The following LRRC7 variants were observed in gnomAD, a reference collection of about 807,000 sequenced individuals.
LRRC7 encodes leucine rich repeat containing 7, also known as leucine-rich repeat-containing protein 7.
In LRRC7, 23 loss-of-function variants were observed where a neutral mutation model predicts 175.7. That is an observed-to-expected ratio of 0.13 (90% confidence interval 0.09 to 0.19). The LOEUF is 0.19. Among genes scored for constraint, LRRC7 ranks in the 10% least tolerant of loss-of-function variants. The pLI, the probability that LRRC7 is intolerant of heterozygous loss-of-function variation, is 1.00. For missense variants in LRRC7, 1,354 were observed against 1,904.7 expected (o/e 0.71, Z 5.38); for synonymous variants, 685 against 680.9 (o/e 1.01, Z -0.09).
chr1:69,619,134 T>C (rs958836822), intron 1 of LRRC7, among the ~76,000 whole-genome samples: 2 of 152,108 alleles, frequency 1.3e-5, no homozygotes, highest in African/African-American at 2.4e-5. Flanking sequence ...TCAAAATGTA[T>C]GTCCCTTTCA....
At chr1:69,877,277 T>C (rs1686125857) in intron 7 of LRRC7, among the ~76,000 whole-genome samples, 1 of 152,084 alleles carries the variant, frequency 6.6e-6, no homozygotes, top group African/African-American at 2.4e-5. Context: ...AACTCCTTGC[T>C]AAGCAAGCAA....
chr1:70,008,109 C>G (rs1230844216), intron 11 of LRRC7, among the ~76,000 whole-genome samples: 1 of 152,154 alleles, frequency 6.6e-6, no homozygotes, highest in African/African-American at 2.4e-5. Flanking sequence ...AGCAAGGAAG[C>G]CACTCCTAGT....
At chr1:69,939,175 T>G (rs1334642475) in intron 8 of LRRC7, among the ~76,000 whole-genome samples, 1 of 151,656 alleles carries the variant, frequency 6.6e-6, no homozygotes, top group African/African-American at 2.4e-5. Flanking sequence ...AGGTGAAAAC[T>G]ATACTGATTA....
At chr1:70,118,018 A>T (rs1160545004) in intron 26 of LRRC7, among the ~76,000 whole-genome samples, 2 of 152,058 alleles carry the variant, frequency 1.3e-5, no homozygotes, top group South Asian at 2.1e-4. Context: ...CCTGCAATGA[A>T]CATTGCACAG....
chr1:69,608,808 GTCTGTCTCTCTCTC>G (rs1302330209), intron 1 of LRRC7, among the ~76,000 whole-genome samples: 1 of 68,612 alleles, frequency 1.5e-5, no homozygotes, highest in Admixed American at 1.9e-4. Context: ...AAGTTGCTCT[GTCTGTCTCTCTCTC>G]TCTCTCTCTC....
Position 70,084,318 on chromosome 1 carries a change from T to C in LRRC7, c.4453-5409T>C, listed in dbSNP as rs116648648. Reference sequence around the variant, plus strand: ...ACTTTGCATCCTTGAGCAGTCACTTTCCATACTCCCTCCAGCCCTAGACAA... The same window carrying C: ...ACTTTGCATCCTTGAGCAGTCACTTCCCATACTCCCTCCAGCCCTAGACAA... On this transcript the variant is annotated intron_variant, in intron 24 of 26. Transcript: ENST00000651989. 8.5e-3 allele frequency among the ~76,000 whole-genome samples: 1,292 copies of C among 152,312 alleles called. 12 individuals are homozygous for C. Among genetic ancestry groups the C allele is most frequent in the African/African-American group, 0.029 (1,218 of 41,570 alleles).
intron 9 of LRRC7, among the ~76,000 whole-genome samples, chr1:69,984,150 T>C (rs934323682): frequency 6.6e-6 from 1 of 152,100 alleles, no homozygotes; most frequent in Non-Finnish European, 1.5e-5. Flanking sequence ...GGTCTCAAAC[T>C]CCTGATCTCG....
chr1:69,620,591 G>T (rs1650406059), intron 1 of LRRC7, among the ~76,000 whole-genome samples: 1 of 152,190 alleles, frequency 6.6e-6, no homozygotes, highest in African/African-American at 2.4e-5. Flanking sequence ...CAGTGTCTTG[G>T]TGTATGTCCA....
intron 23 of LRRC7, among the ~76,000 whole-genome samples, chr1:70,065,203 T>C (rs143452937): frequency 6.6e-6 from 1 of 152,092 alleles, no homozygotes; most frequent in Non-Finnish European, 1.5e-5. Context: ...TAAACTGTAA[T>C]ACGAAAAAAA....
intron 8 of LRRC7, among the ~76,000 whole-genome samples, chr1:69,967,324 A>G (rs1208999902): frequency 6.6e-6 from 1 of 152,074 alleles, no homozygotes. Flanking sequence ...GAGGTCAGAC[A>G]TGCCTAGCCC....
At chr1:70,093,812 A>G (rs1318675428) in intron 25 of LRRC7, among the ~76,000 whole-genome samples, 2 of 152,180 alleles carry the variant, frequency 1.3e-5, no homozygotes, top group Non-Finnish European at 2.9e-5. Flanking sequence ...CTTGTATGTA[A>G]GCACTCATAA....
At chr1:70,120,114 T>TTCA (rs1015328599) in intron 26 of LRRC7, among the ~76,000 whole-genome samples, 54 of 152,196 alleles carry the variant, frequency 3.5e-4, no homozygotes, top group African/African-American at 1.3e-3. Context: ...TTCTTTACTC[T>TTCA]TCATCACCAA....
At chr1:69,710,079 C>T (rs1475716913) in intron 2 of LRRC7, among the ~76,000 whole-genome samples, 1 of 151,772 alleles carries the variant, frequency 6.6e-6, no homozygotes, top group Non-Finnish European at 1.5e-5. Context: ...AGATCAAGCC[C>T]ACCCTGGCTA....
chr1:69,588,380 T>C (rs759478404), intron 1 of LRRC7, among the ~76,000 whole-genome samples: 3 of 152,144 alleles, frequency 2.0e-5, no homozygotes, highest in African/African-American at 7.2e-5. Flanking sequence ...ATAAACCGGA[T>C]GTGAAATTAA....
chr1:69,761,366 T>C (rs1671017428), intron 3 of LRRC7, among the ~76,000 whole-genome samples: 1 of 152,056 alleles, frequency 6.6e-6, no homozygotes, highest in Admixed American at 6.6e-5. Context: ...GATATTTCAA[T>C]ATGCTGATCA....
intron 9 of LRRC7, among the ~76,000 whole-genome samples, chr1:69,980,966 A>G (rs1411535803): frequency 6.6e-6 from 1 of 152,190 alleles, no homozygotes; most frequent in Non-Finnish European, 1.5e-5. Context: ...AAGTTAAACC[A>G]GAGTCAAATT....
chr1:70,075,697 A>T (rs1010653268), intron 23 of LRRC7, among the ~76,000 whole-genome samples: 1 of 152,226 alleles, frequency 6.6e-6, no homozygotes, highest in African/African-American at 2.4e-5. Context: ...GGTGTTACAT[A>T]TATTAACATC....
At chr1:69,798,277 T>A (rs1233917544) in intron 4 of LRRC7, among the ~76,000 whole-genome samples, 1 of 152,110 alleles carries the variant, frequency 6.6e-6, no homozygotes, top group Admixed American at 6.6e-5. Flanking sequence ...AAATAGTGAA[T>A]CTTGGTGACT....
chr1:69,663,700 ATTTTTTTTT>A (rs552339451), intron 1 of LRRC7, among the ~76,000 whole-genome samples: 7 of 67,724 alleles, frequency 1.0e-4, no homozygotes, highest in Admixed American at 2.2e-4. Flanking sequence ...AATCGTTTTA[ATTTTTTTTT>A]TTTTTTTTTT....
Sources: gnomAD v4.1 joint callset for allele counts (sites outside exome capture counted in the v4.1 genomes callset) on GRCh38, gnomAD v4.1.1 for gene constraint, MANE v1.5 for transcripts, NCBI Gene and HGNC (gene_info 2026-07-23, HGNC 2026-07-21) for gene names.